The following PLEKHG1 variants were observed in gnomAD, a reference collection of about 807,000 sequenced individuals.
PLEKHG1 encodes pleckstrin homology and RhoGEF domain containing G1, also known as pleckstrin homology domain-containing family G member 1.
A neutral mutation model predicts 100.8 loss-of-function variants in PLEKHG1; 44 were observed. That is an observed-to-expected ratio of 0.44 (90% confidence interval 0.34 to 0.56). PLEKHG1 has a LOEUF of 0.56. Ranked by LOEUF, PLEKHG1 falls within the 20% of genes least tolerant of loss-of-function variation. PLEKHG1 has a pLI of 0.01. For missense variants in PLEKHG1, 1,545 were observed against 1,720.9 expected (o/e 0.90, Z 1.81); for synonymous variants, 640 against 662.5 (o/e 0.97, Z 0.52).
At chr6:150,652,254 C>A (rs554591311) in intron 3 of PLEKHG1, among the ~76,000 whole-genome samples, 2 of 152,232 alleles carry the variant, frequency 1.3e-5, no homozygotes, top group South Asian at 4.1e-4. Flanking sequence ...TGTTTCTTTC[C>A]TAAGTACTTT....
intron 15 of PLEKHG1, among the ~76,000 whole-genome samples, chr6:150,832,500 G>A (rs1018432113): frequency 6.6e-6 from 1 of 152,004 alleles, no homozygotes; most frequent in African/African-American, 2.4e-5. Flanking sequence ...TATGAAAAAC[G>A]CAATCAGTTT....
At position 150,674,253 on chromosome 6, in the gene PLEKHG1, A is replaced by G. The variant is rs566797560; in HGVS notation, c.-99+23467A>G. Reference sequence around the variant, plus strand: ...TTTACCTATCAAGTTAGGGATATGCATGACCCAGTTTAGGAAAAAAAAAAT... The same window carrying G: ...TTTACCTATCAAGTTAGGGATATGCGTGACCCAGTTTAGGAAAAAAAAAAT... On this transcript the variant is annotated intron_variant, in intron 3 of 3. Coordinates refer to the PLEKHG1 transcript ENST00000367326. Among the ~76,000 whole-genome samples, 39 of 151,698 alleles carry G rather than the reference A, an allele frequency of 2.6e-4. 2 individuals are homozygous for G. The South Asian group carries it at 7.7e-3, about 30-fold the overall frequency.
chr6:150,724,579 A>C (rs1289047714), intron 1 of PLEKHG1, among the ~76,000 whole-genome samples: 19 of 50,786 alleles, frequency 3.7e-4, no homozygotes, highest in African/African-American at 2.1e-3. Flanking sequence ...TTTTTTTTTG[A>C]GATGGAGTTT....
At chr6:150,613,166 T>C (rs1776922301) in intron 1 of PLEKHG1, among the ~76,000 whole-genome samples, 1 of 152,192 alleles carries the variant, frequency 6.6e-6, no homozygotes, top group Non-Finnish European at 1.5e-5. Context: ...AGTGTTCTTA[T>C]TACCTCTACC....
At chr6:150,609,386 G>A (rs1194347156) in intron 1 of PLEKHG1, among the ~76,000 whole-genome samples, 1 of 152,224 alleles carries the variant, frequency 6.6e-6, no homozygotes, top group African/African-American at 2.4e-5. Context: ...TAAATCATAA[G>A]GAGTGATCTT....
chr6:150,769,294 A>T (rs1784594153), intron 3 of PLEKHG1, among the ~76,000 whole-genome samples: 1 of 152,158 alleles, frequency 6.6e-6, no homozygotes, highest in South Asian at 2.1e-4. Flanking sequence ...TTGAAAGTAA[A>T]GTTAGGGCCA....
At chr6:150,822,366 T>G (rs905422028) in intron 13 of PLEKHG1, among the ~76,000 whole-genome samples, 3 of 152,164 alleles carry the variant, frequency 2.0e-5, no homozygotes, top group Non-Finnish European at 4.4e-5. Flanking sequence ...TTTGCAACGC[T>G]TCAGGGGCAA....
intron 3 of PLEKHG1, among the ~76,000 whole-genome samples, chr6:150,769,392 GC>G (rs1479831289): frequency 6.6e-6 from 1 of 151,838 alleles, no homozygotes; most frequent in Non-Finnish European, 1.5e-5. Context: ...GACCAGCCTG[GC>G]CAATATGGTG....
chr6:150,709,106 G>T (rs1183645003), intron 3 of PLEKHG1, among the ~76,000 whole-genome samples: 1 of 152,202 alleles, frequency 6.6e-6, no homozygotes, highest in Non-Finnish European at 1.5e-5. Flanking sequence ...AGCCGAGGCG[G>T]ACGGAACACA....
intron 1 of PLEKHG1, among the ~76,000 whole-genome samples, chr6:150,618,835 T>C (rs1777175913): frequency 6.6e-6 from 1 of 152,110 alleles, no homozygotes; most frequent in Non-Finnish European, 1.5e-5. Flanking sequence ...CCCAACACTT[T>C]TGGAAGTCAA....
intron 3 of PLEKHG1, among the ~76,000 whole-genome samples, chr6:150,714,795 G>A (rs1267558904): frequency 2.6e-5 from 4 of 151,456 alleles, no homozygotes; most frequent in African/African-American, 9.7e-5. Context: ...TTAGACCTAT[G>A]TCTTTTGCTG....
intron 4 of PLEKHG1, among the ~76,000 whole-genome samples, chr6:150,791,499 TAAAAAA>T (rs1170493162): frequency 2.0e-5 from 3 of 151,642 alleles, no homozygotes; most frequent in African/African-American, 7.3e-5. Flanking sequence ...CCATCTCTAC[TAAAAAA>T]TAAAAATAAA....
At chr6:150,607,025 C>T (rs1404986962) in intron 1 of PLEKHG1, among the ~76,000 whole-genome samples, 1 of 152,118 alleles carries the variant, frequency 6.6e-6, no homozygotes, top group Non-Finnish European at 1.5e-5. Context: ...TCCTGAGCTA[C>T]CCCCTTCCCT....
intron 2 of PLEKHG1, among the ~76,000 whole-genome samples, chr6:150,759,176 A>G (rs9383839): frequency 0.38 from 58,249 of 152,096 alleles, 14,111 homozygotes; most frequent in African/African-American, 0.67. Flanking sequence ...ACGAGAACTC[A>G]TGAGCCAGTC....
intron 15 of PLEKHG1, among the ~76,000 whole-genome samples, chr6:150,838,120 G>A (rs1043773862): frequency 1.4e-4 from 21 of 152,110 alleles, no homozygotes; most frequent in South Asian, 6.2e-4. Flanking sequence ...ACCTAAATGA[G>A]TATTTATTAG....
chr6:150,721,500 T>C (rs1583001702), intron 1 of PLEKHG1, among the ~76,000 whole-genome samples: 1 of 152,232 alleles, frequency 6.6e-6, no homozygotes, highest in East Asian at 1.9e-4. Context: ...TTGAAATATC[T>C]AGAGAGCTGA....
chr6:150,841,328 T>C (rs1054533552), exon 16 of PLEKHG1: 5 of 256,936 alleles, frequency 1.9e-5, no homozygotes, highest in Non-Finnish European at 3.1e-5. Flanking sequence ...GTTGAAAGAA[T>C]TATGCTTATA....
intron 11 of PLEKHG1, 87 bp downstream of exon 12, chr6:150,818,303 C>T (rs574828798): frequency 2.3e-4 from 231 of 1,020,386 alleles, no homozygotes; most frequent in Admixed American, 1.2e-3. Context: ...ATGAAAATGT[C>T]GATTGTTAGA....
chr6:150,609,343 C>G (rs1201870798), intron 1 of PLEKHG1, among the ~76,000 whole-genome samples: 1 of 152,068 alleles, frequency 6.6e-6, no homozygotes, highest in African/African-American at 2.4e-5. Context: ...GTCAGAAAGG[C>G]CTATCTGGAG....
Sources: gnomAD v4.1 joint callset for allele counts (sites outside exome capture counted in the v4.1 genomes callset) on GRCh38, gnomAD v4.1.1 for gene constraint, MANE v1.5 for transcripts, NCBI Gene and HGNC (gene_info 2026-07-23, HGNC 2026-07-21) for gene names.